FAM227A: variants seen among roughly 807,000 people sequenced by gnomAD.
FAM227A encodes the protein family with sequence similarity 227 member A.
A neutral mutation model predicts 74.7 loss-of-function variants in FAM227A; 80 were observed. The ratio of observed to expected loss-of-function variants is 1.07; its 90% confidence interval spans 0.89 to 1.29. FAM227A has a LOEUF of 1.29. Among genes scored for constraint, FAM227A ranks in the 50% most tolerant of loss-of-function variants. The probability of loss-of-function intolerance (pLI) is 0.00; values close to 1 mark genes in which losing one functional copy is unlikely to be tolerated. For missense variants in FAM227A, 654 were observed against 683.4 expected, an observed-to-expected ratio of 0.96 and a Z score of 0.48; for synonymous variants, 237 against 241.8, an observed-to-expected ratio of 0.98 and a Z score of 0.19.
At chr22:38,606,784 C>T (rs1026777728) in intron 12 of FAM227A, among the ~76,000 whole-genome samples, 1 of 152,122 alleles carries the variant, frequency 6.6e-6, no homozygotes, top group East Asian at 1.9e-4. Flanking sequence ...GGGACAGGAG[C>T]AGTCATCATG....
chr22:38,595,578 T>C (rs1445393069), intron 15 of FAM227A, among the ~76,000 whole-genome samples: 24 of 152,162 alleles, frequency 1.6e-4, no homozygotes, highest in Admixed American at 1.6e-3. Flanking sequence ...GTGAAAGATG[T>C]TGGGGAAGCA....
At chr22:38,646,064 C>T (rs2092229923) in intron 2 of FAM227A, among the ~76,000 whole-genome samples, 1 of 152,126 alleles carries the variant, frequency 6.6e-6, no homozygotes, top group Admixed American at 6.6e-5. Context: ...AGATCACAGG[C>T]ATGAGCCACC....
intron 11 of FAM227A, among the ~76,000 whole-genome samples, chr22:38,613,125 ATTATATATAT>A (rs2091463290): frequency 1.1e-5 from 1 of 91,798 alleles, no homozygotes; most frequent in African/African-American, 4.7e-5. Context: ...ATTATATATA[ATTATATATAT>A]AATATATATA....
At chr22:38,603,721 G>A (rs1241741261) in intron 13 of FAM227A, among the ~76,000 whole-genome samples, 1 of 152,046 alleles carries the variant, frequency 6.6e-6, no homozygotes, top group Non-Finnish European at 1.5e-5. Flanking sequence ...AAAACATCAG[G>A]CCCCCAGAGG....
chr22:38,586,075 A>C lies in FAM227A; in HGVS notation c.*50T>G. ...CTTGTTCCACTCCACCTCGTAGCAG[A>C]AATATCACGGATTCTGTAGGCGCTT... On this transcript the variant is annotated 3_prime_UTR_variant, in exon 17 of 17. Transcript: ENST00000535113. 1 of 1,551,926 alleles carries C rather than the reference A, an allele frequency of 6.4e-7. No homozygotes were observed. The highest frequency in any genetic ancestry group is 1.7e-4 in the Middle Eastern group (1 of 5,994).
chr22:38,597,076 A>C, intron 15 of FAM227A, 128 bp downstream of exon 15: 1 of 810,458 alleles, frequency 1.2e-6, no homozygotes, highest in South Asian at 1.8e-5. Context: ...GACCACAAGA[A>C]AGCTGATTAT....
At chr22:38,613,363 CATATATA>C (rs1419299542) in intron 11 of FAM227A, among the ~76,000 whole-genome samples, 13 of 3,352 alleles carry the variant, frequency 3.9e-3, no homozygotes, top group South Asian at 6.4e-3. Flanking sequence ...TAATATATAT[CATATATA>C]ATATATAACA....
intron 15 of FAM227A, 24 bp downstream of exon 15, chr22:38,597,180 C>A: frequency 1.3e-6 from 2 of 1,550,488 alleles, no homozygotes; most frequent in Non-Finnish European, 1.7e-6. Context: ...GGAACAACGG[C>A]ATTCCCCAAA....
intron 11 of FAM227A, among the ~76,000 whole-genome samples, chr22:38,609,271 C>A (rs1418979484): frequency 6.6e-6 from 1 of 152,180 alleles, no homozygotes; most frequent in Non-Finnish European, 1.5e-5. Flanking sequence ...AGTCACGTGG[C>A]CACACGTAGC....
chr22:38,631,715 A>T (rs1427214282), intron 6 of FAM227A, among the ~76,000 whole-genome samples: 1 of 152,066 alleles, frequency 6.6e-6, no homozygotes, highest in Admixed American at 6.6e-5. Context: ...GAGCCAGGCT[A>T]TGAGGCGCCT....
rs1423159688 is a variant in FAM227A at position 38,591,476 on chromosome 22, G to A, written c.1597C>T (p.Pro533Ser). Reference sequence around the variant, plus strand: ...GGTGATTCCTCATTGACGGCTGAAGGTGGGATGAACATGTGGTTTGCCTTT... The same window carrying A: ...GGTGATTCCTCATTGACGGCTGAAGATGGGATGAACATGTGGTTTGCCTTT... ...TKKANHMFIP[P>S]SAVNEESPDK... Residue 533 changes from proline (P) to serine (S), a missense_variant, in exon 16 of 17, where the codon CCT (proline) becomes TCT (serine). By Grantham distance (74) the Pro-to-Ser change is moderately conservative. Transcript: ENST00000535113. The A allele has an allele frequency of 6.4e-7, 1 of 1,551,096 alleles. No homozygotes were observed. Among genetic ancestry groups the A allele is most frequent in the Non-Finnish European group, 8.7e-7 (1 of 1,146,810 alleles).
intron 11 of FAM227A, among the ~76,000 whole-genome samples, chr22:38,611,984 A>C (rs991068892): frequency 6.6e-6 from 1 of 152,214 alleles, no homozygotes; most frequent in Admixed American, 6.5e-5. Flanking sequence ...CTGGGAAGCA[A>C]CCTTCAACTC....
rs1569191597 is a variant in FAM227A, at chr22:38,597,223, G to A, written c.1513C>T (p.Leu505=). ...WNYFDKHLKE[L]QDNFSREMKN... ...CCATACCTGGAGAAGTTGTCTTGCA[G>A]CTCCTTTAGATGCTTGTCAAAATAA... The change falls in exon 15 of 17, where the codon CTG becomes TTG. Residue 505 remains leucine (L), a synonymous_variant. Coordinates refer to ENST00000535113, the MANE Select transcript of FAM227A (RefSeq NM_001013647.2). 5.8e-6 allele frequency: 9 copies of A among 1,552,272 alleles called. No homozygotes were observed. Among genetic ancestry groups the A allele is most frequent in the Non-Finnish European group, 5.2e-6 (6 of 1,147,090 alleles).
Position 38,628,915 on chromosome 22 carries a change from T to C in FAM227A, c.540A>G (p.Glu180=). Residue 180 remains glutamate, a synonymous_variant, in exon 7 of 17, where the codon GAA becomes GAG. Transcript: ENST00000535113. ...LSGKHFCSGR[E]LEKFLSSSSP... ...AAGAAGAAGAGAGAAACTTCTCTAA[T>C]TCTCTACCTGAACAGAAATGCTTGG... 1 of 1,535,850 alleles carries C rather than the reference T, an allele frequency of 6.5e-7. No homozygotes were observed. Among genetic ancestry groups the C allele is most frequent in the Non-Finnish European group, 8.8e-7 (1 of 1,137,910 alleles).
chr22:38,602,101 CCAAT>C (rs1328261783), intron 13 of FAM227A, among the ~76,000 whole-genome samples: 26 of 152,098 alleles, frequency 1.7e-4, no homozygotes, highest in Non-Finnish European at 3.2e-4. Flanking sequence ...GCAGCAGTAC[CCAAT>C]CACACTATTT....
rs1014060000 is a variant in FAM227A, at chr22:38,582,156, T to C, written c.*3969A>G. 4 of 603,598 alleles carry C rather than the reference T, an allele frequency of 6.6e-6. No homozygotes were observed. Among genetic ancestry groups the C allele is most frequent in the Non-Finnish European group, 1.2e-5 (4 of 341,920 alleles). 37.4% of individuals were successfully genotyped at this position (603,598 alleles called of 1,614,324 possible). A position where few individuals can be genotyped will look rare whatever the true frequency, so the allele number is the denominator to read the frequency against. On this transcript the variant is annotated 3_prime_UTR_variant, in exon 17 of 17. Transcript: ENST00000535113. ...CATGAGCCATTCACCACAATCAAGA[T>C]AGTAGACATATCTGTCACCCCCAAA...
rs1312306304 is a variant in FAM227A at position 38,578,533 on chromosome 22, A to G, written c.*7592T>C. 6.6e-6 allele frequency: 1 copy of G among 152,226 alleles called. No homozygotes were observed. Among genetic ancestry groups the G allele is most frequent in the East Asian group, 1.9e-4 (1 of 5,200 alleles). The allele number at this position is 152,226 out of a possible 1,614,324, so 9.4% of individuals were successfully genotyped here. A position where few individuals can be genotyped will look rare whatever the true frequency, so the allele number is the denominator to read the frequency against. On this transcript the variant is annotated 3_prime_UTR_variant, in exon 17 of 17. Transcript: ENST00000535113. ...ACTAGCATTTATTCAACACTGCTCA[A>G]TTCCACGTCTCTGCTGGATATAAAG...
intron 11 of FAM227A, among the ~76,000 whole-genome samples, chr22:38,616,126 A>G (rs917108601): frequency 2.6e-5 from 4 of 152,206 alleles, no homozygotes; most frequent in Admixed American, 2.6e-4. Context: ...GAGCTGGCAG[A>G]GAAGATGGAG....
chr22:38,646,248 C>CTTTTTTTTTTT lies in FAM227A; in HGVS notation c.143-614_143-604dup, dbSNP rs1165890437. Among the ~76,000 whole-genome samples, 24 of 82,396 alleles carry CTTTTTTTTTTT rather than the reference C, an allele frequency of 2.9e-4. 1 individual carries two copies. Among genetic ancestry groups the CTTTTTTTTTTT allele is most frequent in the Middle Eastern group, 9.8e-3 (1 of 102 alleles). 54.1% of individuals were successfully genotyped at this position (82,396 alleles called of 152,430 possible). A position where few individuals can be genotyped will look rare whatever the true frequency, so the allele number is the denominator to read the frequency against. The stretch of plus-strand genomic sequence containing the variant: ...CTTGGGAATTTTCCTTCCAGTATTT[C>CTTTTTTTTTTT]TTTTTTTTTTTTTTTTTTTTTTTTT... On this transcript the variant is annotated intron_variant, in intron 2 of 16. Coordinates refer to ENST00000535113, the MANE Select transcript of FAM227A (RefSeq NM_001013647.2).
Sources: allele counts gnomAD v4.1 joint callset (sites outside exome capture counted in the v4.1 genomes callset), GRCh38; gene constraint gnomAD v4.1.1; transcripts MANE v1.5; gene names NCBI Gene and HGNC (gene_info 2026-07-23, HGNC 2026-07-21).